Variants in HDGFL3 observed in about 807,000 individuals in gnomAD.
The protein encoded by HDGFL3 is HDGF like 3, also known as hepatoma-derived growth factor-related protein 3.
HDGFL3 carries 6 observed loss-of-function variants against 27.6 expected under a neutral mutation model. That is an observed-to-expected ratio of 0.22 (90% CI 0.12 to 0.43). HDGFL3 has a LOEUF of 0.43. Among genes scored for constraint, HDGFL3 ranks in the 20% least tolerant of loss-of-function variants. The pLI is 1.00. For synonymous variants in HDGFL3, 88 were observed against 88.9 expected, an observed-to-expected ratio of 0.99 and a Z score of 0.05; for missense variants, 207 against 250.1, an observed-to-expected ratio of 0.83 and a Z score of 1.16.
chr15:83,126,531 A>C (rs1167101499), downstream of HDGFL3, among the ~76,000 whole-genome samples: 1 of 152,160 alleles, frequency 6.6e-6, no homozygotes, highest in African/African-American at 2.4e-5. Flanking sequence ...AAAATACCCA[A>C]GAATAGGGCA....
chr15:83,148,726 A>G (rs1355873940), intron 5 of HDGFL3, among the ~76,000 whole-genome samples: 2 of 152,198 alleles, frequency 1.3e-5, no homozygotes, highest in Non-Finnish European at 2.9e-5. Flanking sequence ...ATAAAACTGA[A>G]TATTATACAG....
chr15:83,157,777 A>G, intron 3 of HDGFL3, 126 bp downstream of exon 3: 1 of 994,296 alleles, frequency 1.0e-6, no homozygotes, highest in African/African-American at 1.6e-5. Flanking sequence ...CCAAAATGCT[A>G]CTGGAGTCAA....
chr15:83,200,856 C>CTTTTTTTTTTTTTTTTTTTTTT, intron 1 of HDGFL3, among the ~76,000 whole-genome samples: 1 of 120,178 alleles, frequency 8.3e-6, no homozygotes, highest in Non-Finnish European at 1.8e-5. Flanking sequence ...TTACTTTATT[C>CTTTTTTTTTTTTTTTTTTTTTT]TTTTTTTTTT....
intron 1 of HDGFL3, among the ~76,000 whole-genome samples, chr15:83,196,582 A>G (rs1001399967): frequency 2.6e-5 from 4 of 152,180 alleles, no homozygotes; most frequent in Admixed American, 2.6e-4. Flanking sequence ...CCTGAGGAAA[A>G]CTAGCTTTAA....
Position 83,136,752 on chromosome 15 carries a change from CTT to C in HDGFL3, c.*2516_*2517del, listed in dbSNP as rs2036640306. 1.7e-6 allele frequency: 2 copies of C among 1,204,542 alleles called. No homozygotes were observed. The highest frequency in any genetic ancestry group is 2.4e-6 in the Non-Finnish European group (2 of 850,730). 74.6% of individuals were successfully genotyped at this position (1,204,542 alleles called of 1,614,324 possible). The stretch of plus-strand genomic sequence containing the variant: ...CTGATATTTTGTCCCATTTCACTCT[CTT>C]CTCATACGTGAGTACTTAAGAATAT... On this transcript the variant is annotated 3_prime_UTR_variant, in exon 6 of 6. Transcript: ENST00000299633.
downstream of HDGFL3, chr15:83,126,663 C>A: frequency 1.0e-6 from 1 of 988,942 alleles, no homozygotes; most frequent in Non-Finnish European, 1.5e-6. Context: ...AGCAAAGCAG[C>A]TTGTGACTAA....
exon 4 of HDGFL3, chr15:83,115,417 C>T (rs1035791707): frequency 3.0e-6 from 1 of 335,508 alleles, no homozygotes; most frequent in Non-Finnish European, 5.9e-6. Flanking sequence ...CATGCCCAGC[C>T]TGAATCATTG....
chr15:83,118,679 TCTTC>T (rs2034926929), intron 3 of HDGFL3, among the ~76,000 whole-genome samples: 1 of 152,174 alleles, frequency 6.6e-6, no homozygotes, highest in Non-Finnish European at 1.5e-5. Flanking sequence ...TGATCTGCAC[TCTTC>T]CTTGTTGTAG....
downstream of HDGFL3, among the ~76,000 whole-genome samples, chr15:83,125,753 C>T (rs1316364205): frequency 6.6e-6 from 1 of 152,212 alleles, no homozygotes; most frequent in Non-Finnish European, 1.5e-5. Flanking sequence ...TAAGCCCATG[C>T]AGGTGACTTT....
intron 1 of HDGFL3, chr15:83,179,922 T>C (rs1397746525): frequency 6.6e-6 from 1 of 152,224 alleles, no homozygotes; most frequent in Non-Finnish European, 1.5e-5. Context: ...CAGCTCTTTG[T>C]GTGTGTTGTG....
chr15:83,140,344 TG>T (rs757784441), intron 5 of HDGFL3, among the ~76,000 whole-genome samples: 1 of 152,240 alleles, frequency 6.6e-6, no homozygotes, highest in Non-Finnish European at 1.5e-5. Context: ...ATGGAGTGCC[TG>T]GTGACTCCTA....
intron 4 of HDGFL3, among the ~76,000 whole-genome samples, chr15:83,155,110 T>A (rs1050491423): frequency 4.6e-5 from 7 of 152,302 alleles, no homozygotes; most frequent in Middle Eastern, 3.4e-3. Context: ...AGAGATCCAC[T>A]TGTCTCAGCC....
At chr15:83,141,830 A>G (rs972869642) in intron 5 of HDGFL3, among the ~76,000 whole-genome samples, 1 of 152,240 alleles carries the variant, frequency 6.6e-6, no homozygotes, top group Non-Finnish European at 1.5e-5. Context: ...AAATGAGTGA[A>G]TATTTGGAAG....
chr15:83,136,977 C>A lies in HDGFL3; in HGVS notation c.*2293G>T. The stretch of plus-strand genomic sequence containing the variant: ...AGTGTAAAAAATTACAATTTAGTGC[C>A]AACAGTAGTGAGCATGAAATGAAAC... On this transcript the variant is annotated 3_prime_UTR_variant, in exon 6 of 6. Coordinates refer to ENST00000299633, the MANE Select transcript of HDGFL3 (RefSeq NM_016073.4). 1 of 199,792 alleles carries A rather than the reference C, an allele frequency of 5.0e-6. No individual in the cohort carries two copies. Among genetic ancestry groups the A allele is most frequent in the Non-Finnish European group, 1.0e-5 (1 of 98,042 alleles). The allele number at this position is 199,792 out of a possible 1,614,324, so 12.4% of individuals were successfully genotyped here. A position where few individuals can be genotyped will look rare whatever the true frequency, so the allele number is the denominator to read the frequency against.
chr15:83,156,123 C>T (rs573970202), intron 4 of HDGFL3, among the ~76,000 whole-genome samples: 3 of 152,240 alleles, frequency 2.0e-5, no homozygotes, highest in Non-Finnish European at 4.4e-5. Context: ...TCATGATTCT[C>T]CAGCCACACC....
intron 2 of HDGFL3, among the ~76,000 whole-genome samples, chr15:83,159,767 G>A (rs1010627686): frequency 2.0e-5 from 3 of 152,196 alleles, no homozygotes; most frequent in African/African-American, 7.2e-5. Flanking sequence ...TGCCTCATAA[G>A]TTTGAGAAAC....
At chr15:83,186,288 A>G (rs148419698) in intron 1 of HDGFL3, among the ~76,000 whole-genome samples, 2 of 152,370 alleles carry the variant, frequency 1.3e-5, no homozygotes, top group East Asian at 3.9e-4. Flanking sequence ...AAACTACAAA[A>G]AGAGTTCAAG....
intron 1 of HDGFL3, among the ~76,000 whole-genome samples, chr15:83,166,106 C>G (rs552488667): frequency 9.2e-5 from 14 of 152,038 alleles, no homozygotes; most frequent in Non-Finnish European, 1.9e-4. Context: ...CCAGAGAATA[C>G]TGGTAAAATA....
At chr15:83,126,652 C>A, downstream of HDGFL3, 1 of 904,516 alleles carries the variant, frequency 1.1e-6, no homozygotes, top group Non-Finnish European at 1.7e-6. Flanking sequence ...TTTTGTTAAA[C>A]AGCAAAGCAG....
Sources: allele counts gnomAD v4.1 joint callset (sites outside exome capture counted in the v4.1 genomes callset), GRCh38; gene constraint gnomAD v4.1.1; transcripts MANE v1.5; gene names NCBI Gene and HGNC (gene_info 2026-07-23, HGNC 2026-07-21).